Variants in MPDZ observed in about 807,000 individuals in gnomAD.
The protein encoded by MPDZ is multiple PDZ domain crumbs cell polarity complex component.
A neutral mutation model predicts 239.1 loss-of-function variants in MPDZ; 234 were observed. The ratio of observed to expected loss-of-function variants is 0.98; its 90% CI spans 0.88 to 1.09. MPDZ has a LOEUF of 1.09. MPDZ is among the 50% of genes least tolerant of loss of function. The probability of loss-of-function intolerance (pLI) is 0.00; values close to 1 mark genes in which losing one functional copy is unlikely to be tolerated. For synonymous variants in MPDZ, 1,048 were observed against 881.3 expected, an observed-to-expected ratio of 1.19 and a Z score of -3.35; for missense variants, 3,175 against 2,510.0, an observed-to-expected ratio of 1.26 and a Z score of -5.66.
chr9:13,165,591 A>C (rs1336782596), intron 22 of MPDZ: 6 of 603,290 alleles, frequency 9.9e-6, no homozygotes, highest in Non-Finnish European at 1.7e-5. Flanking sequence ...GCTCTTTACT[A>C]GTGTCTATAG....
rs2131087289 is a variant in MPDZ, at chr9:13,110,686, T to C, written c.5779A>G (p.Thr1927Ala). The C allele has an allele frequency of 6.2e-7, 1 of 1,613,698 alleles. No individual in the cohort carries two copies. The highest frequency in any genetic ancestry group is 2.2e-5 in the East Asian group (1 of 44,854). The change falls in exon 44 of 47, where the codon ACC becomes GCC. Residue 1927 changes from threonine (T) to alanine (A), a missense_variant. Transcript: ENST00000319217. ...CGTSTEGMTH[T>A]QAVNLLKNAS... ...TTTTTCAGTAGGTTAACTGCTTGGGTGTGAGTCATGCCCTCAGTGGATGTG... is the reference window on the plus strand; with the variant it reads ...TTTTTCAGTAGGTTAACTGCTTGGGCGTGAGTCATGCCCTCAGTGGATGTG...
intron 13 of MPDZ, 25 bp downstream of exon 13, chr9:13,196,096 A>G: frequency 6.8e-7 from 1 of 1,480,696 alleles, no homozygotes; most frequent in Non-Finnish European, 9.3e-7. Context: ...CAAGTTAGAA[A>G]ATTACAGAAG....
chr9:13,128,519 C>A (rs1004164880), intron 32 of MPDZ, among the ~76,000 whole-genome samples: 1 of 152,142 alleles, frequency 6.6e-6, no homozygotes, highest in African/African-American at 2.4e-5. Context: ...AGCAGAACCC[C>A]CAGCTAAAAT....
chr9:13,121,780 C>G lies in MPDZ; in HGVS notation c.5190G>C (p.Lys1730Asn). Residue 1730 changes from lysine (K) to asparagine (N), a missense_variant, in exon 38 of 47, where the codon AAG (lysine) becomes AAC (asparagine). Lys to Asn is a moderately conservative substitution (Grantham distance 94, BLOSUM62 0). Coordinates refer to ENST00000319217, the MANE Select transcript of MPDZ (RefSeq NM_001378778.1). ...VCDTLTIELQ[K>N]KPGKGLGLSI... ...TTAATCCTAGGCCTTTTCCCGGCTTCTTCTGCAGCTCAATAGTGAGGGTGT... is the reference window on the plus strand; with the variant it reads ...TTAATCCTAGGCCTTTTCCCGGCTTGTTCTGCAGCTCAATAGTGAGGGTGT... The G allele has an allele frequency of 1.2e-6, 2 of 1,613,990 alleles. No homozygotes were observed. Among genetic ancestry groups the G allele is most frequent in the African/African-American group, 1.3e-5 (1 of 75,046 alleles).
In MPDZ at chr9:13,206,108, A is replaced by T. The variant is rs75430227; in HGVS notation, c.1291-9T>A. ...AGGTTTGTGCCATCTACCTGTGATT[A>T]AAAAAAAAAAAAAGCATGTTACATG... On this transcript the variant is annotated splice_polypyrimidine_tract_variant and intron_variant, in intron 10 of 46. Transcript: ENST00000319217. 7 of 181,808 alleles carry T rather than the reference A, an allele frequency of 3.9e-5. No individual in the cohort carries two copies. The highest frequency in any genetic ancestry group is 7.2e-5 in the Admixed American group (1 of 13,880). The allele number at this position is 181,808 out of a possible 1,614,324, so 11.3% of individuals were successfully genotyped here. A position where few individuals can be genotyped will look rare whatever the true frequency, so the allele number is the denominator to read the frequency against.
intron 39 of MPDZ, among the ~76,000 whole-genome samples, chr9:13,115,966 A>AT (rs1247187328): frequency 1.3e-5 from 2 of 151,216 alleles, no homozygotes; most frequent in African/African-American, 4.9e-5. Flanking sequence ...AAAAAAAAAA[A>AT]AAAAAAAGCG....
chr9:13,133,054 A>T (rs929843526), intron 32 of MPDZ, among the ~76,000 whole-genome samples: 1 of 152,192 alleles, frequency 6.6e-6, no homozygotes, highest in African/African-American at 2.4e-5. Context: ...AGATTTTTTA[A>T]AAAAATCATT....
intron 21 of MPDZ, among the ~76,000 whole-genome samples, chr9:13,173,125 T>C (rs879558197): frequency 6.6e-6 from 1 of 151,948 alleles, no homozygotes; most frequent in East Asian, 1.9e-4. Context: ...GAGAGAGCAA[T>C]GGGGAATAAT....
intron 22 of MPDZ, chr9:13,165,375 G>C (rs1315254134): frequency 6.5e-7 from 1 of 1,549,512 alleles, no homozygotes; most frequent in Non-Finnish European, 8.7e-7. Context: ...ACACATAAAA[G>C]GGGGCTCGAT....
chr9:13,211,851 A>T (rs1158838766), intron 10 of MPDZ, among the ~76,000 whole-genome samples: 4 of 152,086 alleles, frequency 2.6e-5, no homozygotes, highest in Non-Finnish European at 5.9e-5. Context: ...TAAACCATAA[A>T]CTATTATTAG....
Position 13,217,211 on chromosome 9 carries a change from G to A in MPDZ, c.1170C>T (p.Thr390=). The change falls in exon 9 of 47, where the codon ACC becomes ACT. Residue 390 remains threonine (T), a synonymous_variant. Coordinates refer to ENST00000319217, the MANE Select transcript of MPDZ (RefSeq NM_001378778.1). The part of the protein sequence containing the change: ...LTKNVQGLGI[T]IAGYIGDKKL... The stretch of plus-strand genomic sequence containing the variant: ...TTTTATCTCCAATGTAGCCAGCAAT[G>A]GTAATTCCTAATCCTTGGACATTTT... 6.3e-7 allele frequency: 1 copy of A among 1,598,070 alleles called. No homozygotes were observed. Among genetic ancestry groups the A allele is most frequent in the Non-Finnish European group, 8.5e-7 (1 of 1,172,952 alleles).
At chr9:13,158,232 C>A (rs1563925898) in intron 23 of MPDZ, 122 bp from the exon 24 acceptor site, 6 of 678,982 alleles carry the variant, frequency 8.8e-6, no homozygotes, top group East Asian at 2.8e-5. Context: ...CCATACATGG[C>A]CATAAGTATA....
chr9:13,271,249 G>C (rs76956009), intron 1 of MPDZ, among the ~76,000 whole-genome samples: 1 of 151,966 alleles, frequency 6.6e-6, no homozygotes, highest in African/African-American at 2.4e-5. Flanking sequence ...TATCAAAATG[G>C]GGCATGAATT....
intron 3 of MPDZ, among the ~76,000 whole-genome samples, chr9:13,233,121 C>G (rs981118578): frequency 6.6e-6 from 1 of 152,052 alleles, no homozygotes; most frequent in Non-Finnish European, 1.5e-5. Flanking sequence ...GACTTATAAT[C>G]GCTTTGGAAA....
intron 23 of MPDZ, 61 bp from the exon 24 acceptor site, chr9:13,158,171 T>A (rs972558517): frequency 7.9e-7 from 1 of 1,262,228 alleles, no homozygotes; most frequent in Non-Finnish European, 1.1e-6. Context: ...CAAGATTATA[T>A]GTACTCTACT....
At chr9:13,125,187 C>A in intron 35 of MPDZ, 29 bp downstream of exon 35, 1 of 1,531,638 alleles carries the variant, frequency 6.5e-7, no homozygotes. Flanking sequence ...TCCATATGTG[C>A]AGGACTCTCA....
intron 1 of MPDZ, among the ~76,000 whole-genome samples, chr9:13,278,723 G>A (rs1974827424): frequency 6.6e-6 from 1 of 152,146 alleles, no homozygotes; most frequent in Admixed American, 6.5e-5. Flanking sequence ...TTAAAAGGGC[G>A]CCGGTGCCAG....
chr9:13,249,008 A>AAC (rs1279043046), intron 2 of MPDZ, among the ~76,000 whole-genome samples: 1 of 125,256 alleles, frequency 8.0e-6, no homozygotes, highest in Non-Finnish European at 1.7e-5. Flanking sequence ...AAAAAAAAAA[A>AAC]ATTGGAATCA....
At chr9:13,128,893 G>A (rs1333558360) in intron 32 of MPDZ, among the ~76,000 whole-genome samples, 3 of 152,132 alleles carry the variant, frequency 2.0e-5, no homozygotes, top group Admixed American at 1.3e-4. Context: ...GACACTGGAT[G>A]GCACAGTGTC....
Sources: allele counts gnomAD v4.1 joint callset (sites outside exome capture counted in the v4.1 genomes callset), GRCh38; gene constraint gnomAD v4.1.1; transcripts MANE v1.5; gene names NCBI Gene and HGNC (gene_info 2026-07-23, HGNC 2026-07-21).